Variants in ARK2C observed in about 807,000 individuals in gnomAD.
ARK2C encodes the protein E3 ubiquitin-protein ligase ARK2C.
the ARK2C span, among the ~76,000 whole-genome samples, chr18:46,428,076 A>T: frequency 3.3e-5 from 5 of 152,052 alleles, no homozygotes; most frequent in Non-Finnish European, 5.9e-5. Flanking sequence ...GAGGGCTTGG[A>T]GGGGGTCTGT....
chr18:46,339,472 C>G, the ARK2C span, among the ~76,000 whole-genome samples: 1 of 152,240 alleles, frequency 6.6e-6, no homozygotes, highest in African/African-American at 2.4e-5. Flanking sequence ...ATTGTCTGAA[C>G]TAAACACTTA....
chr18:46,447,331 T>C, the ARK2C span: 2 of 464,986 alleles, frequency 4.3e-6, no homozygotes, highest in South Asian at 4.5e-5. Flanking sequence ...TAAAGAAATT[T>C]CATAGAGCCT....
chr18:46,353,884 G>T, the ARK2C span, among the ~76,000 whole-genome samples: 3 of 152,156 alleles, frequency 2.0e-5, no homozygotes, highest in Non-Finnish European at 2.9e-5. Context: ...CTGGGCCCTA[G>T]GTCACTCTGC....
chr18:46,401,874 G>A, the ARK2C span, among the ~76,000 whole-genome samples: 2 of 152,228 alleles, frequency 1.3e-5, no homozygotes, highest in Non-Finnish European at 2.9e-5. Flanking sequence ...GCTTCACACT[G>A]GGAGGGACCA....
chr18:46,346,430 C>T, the ARK2C span, among the ~76,000 whole-genome samples: 30 of 106,782 alleles, frequency 2.8e-4, no homozygotes, highest in African/African-American at 8.2e-4. Flanking sequence ...AAACTAAGAG[C>T]TCCCTTGGGT....
the ARK2C span, among the ~76,000 whole-genome samples, chr18:46,412,695 G>C: frequency 6.6e-6 from 1 of 152,140 alleles, no homozygotes; most frequent in South Asian, 2.1e-4. Context: ...GGGAATTGCT[G>C]GTGGTCCTGA....
the ARK2C span, among the ~76,000 whole-genome samples, chr18:46,357,479 G>C: frequency 6.6e-6 from 1 of 152,240 alleles, no homozygotes; most frequent in South Asian, 2.1e-4. Flanking sequence ...AGTGTGGCCT[G>C]ATTTTGGTGG....
chr18:46,414,776 G>A, the ARK2C span, among the ~76,000 whole-genome samples: 4 of 152,190 alleles, frequency 2.6e-5, no homozygotes, highest in Admixed American at 6.5e-5. Context: ...GCCCCAGTGC[G>A]GAGGGCAGGT....
At chr18:46,454,109 T>TA in the ARK2C span, among the ~76,000 whole-genome samples, 1 of 16,616 alleles carries the variant, frequency 6.0e-5, no homozygotes. Context: ...CAAGGCCGTC[T>TA]CAAAAAAAAA....
the ARK2C span, among the ~76,000 whole-genome samples, chr18:46,390,533 G>A: frequency 1.3e-5 from 2 of 152,204 alleles, no homozygotes; most frequent in East Asian, 1.9e-4. Flanking sequence ...TATTTTCAGT[G>A]GAACTCATAT....
the ARK2C span, among the ~76,000 whole-genome samples, chr18:46,364,413 A>C: frequency 6.6e-6 from 1 of 152,176 alleles, no homozygotes; most frequent in Non-Finnish European, 1.5e-5. Flanking sequence ...CTTAAAAAAA[A>C]AAAAAGCTCT....
chr18:46,447,772 C>T, the ARK2C span: 1 of 1,549,960 alleles, frequency 6.5e-7, no homozygotes, highest in Non-Finnish European at 8.9e-7. Flanking sequence ...TGTGCCCTGG[C>T]TGCTACATGG....
chr18:46,360,767 C>G, the ARK2C span, among the ~76,000 whole-genome samples: 16 of 152,132 alleles, frequency 1.1e-4, no homozygotes, highest in Non-Finnish European at 2.1e-4. Context: ...CCTGGGCACA[C>G]GAGGCGGGTA....
At chr18:46,427,254 C>T in the ARK2C span, among the ~76,000 whole-genome samples, 1 of 152,228 alleles carries the variant, frequency 6.6e-6, no homozygotes, top group African/African-American at 2.4e-5. Flanking sequence ...TACCTGTGCC[C>T]ACCTTCCTCT....
chr18:46,431,121 C>T, the ARK2C span, among the ~76,000 whole-genome samples: 1 of 152,160 alleles, frequency 6.6e-6, no homozygotes, highest in African/African-American at 2.4e-5. Flanking sequence ...TCAACTCCCA[C>T]TTATGAGTGA....
At chr18:46,349,663 C>T in the ARK2C span, among the ~76,000 whole-genome samples, 1 of 152,206 alleles carries the variant, frequency 6.6e-6, no homozygotes, top group Admixed American at 6.5e-5. Context: ...GGGTGCTTGC[C>T]TTGTGCCAAA....
the ARK2C span, among the ~76,000 whole-genome samples, chr18:46,362,595 G>A: frequency 1.2e-4 from 19 of 152,344 alleles, no homozygotes; most frequent in African/African-American, 4.6e-4. Context: ...AGCCTCACTC[G>A]TTTTGACTAA....
the ARK2C span, among the ~76,000 whole-genome samples, chr18:46,425,373 A>G: frequency 6.6e-6 from 1 of 152,216 alleles, no homozygotes. Context: ...GCAGAAGGCC[A>G]TCATCCCTGG....
chr18:46,339,430 A>G, the ARK2C span, among the ~76,000 whole-genome samples: 162 of 152,372 alleles, frequency 1.1e-3, no homozygotes, highest in African/African-American at 3.8e-3. Context: ...ATGTTTTAGC[A>G]ATGTATGCAG....
Sources: gnomAD v4.1 joint callset for allele counts (sites outside exome capture counted in the v4.1 genomes callset) on GRCh38, gnomAD v4.1.1 for gene constraint, MANE v1.5 for transcripts, NCBI Gene and HGNC (gene_info 2026-07-23, HGNC 2026-07-21) for gene names.